ERC2: variants seen among roughly 807,000 people sequenced by gnomAD.
ERC2 encodes the protein ELKS/RAB6-interacting/CAST family member 2.
In ERC2, 42 loss-of-function variants were observed where a neutral mutation model predicts 114.8. The ratio of observed to expected loss-of-function variants is 0.37; its 90% CI spans 0.29 to 0.47. The LOEUF (loss-of-function observed/expected upper bound fraction) is 0.47, where lower values mean the gene tolerates loss of function less well. ERC2 is among the 20% of genes least tolerant of loss of function. ERC2 has a pLI of 0.99. For synonymous variants in ERC2, 454 were observed against 425.5 expected, an observed-to-expected ratio of 1.07 and a Z score of -0.82; for missense variants, 939 against 1,150.7, an observed-to-expected ratio of 0.82 and a Z score of 2.66.
intron 3 of ERC2, among the ~76,000 whole-genome samples, chr3:56,283,103 C>G (rs1284006927): frequency 6.6e-6 from 1 of 152,208 alleles, no homozygotes; most frequent in African/African-American, 2.4e-5. Flanking sequence ...TAAGGGGCAT[C>G]CCAACAATAC....
chr3:56,288,911 T>C (rs1206852574), intron 3 of ERC2, among the ~76,000 whole-genome samples: 1 of 152,230 alleles, frequency 6.6e-6, no homozygotes, highest in Non-Finnish European at 1.5e-5. Context: ...AGTGGTTAAA[T>C]ACTAGTAGGA....
At chr3:55,996,351 GT>G (rs1279305192) in intron 10 of ERC2, among the ~76,000 whole-genome samples, 7 of 152,094 alleles carry the variant, frequency 4.6e-5, no homozygotes, top group Non-Finnish European at 8.8e-5. Context: ...CAAGCTCATC[GT>G]CACTTTCAAG....
chr3:56,296,464 G>T, intron 2 of ERC2, 29 bp from the exon 3 acceptor site: 2 of 1,567,690 alleles, frequency 1.3e-6, no homozygotes, highest in South Asian at 1.2e-5. Context: ...AGCGGGAGAG[G>T]AGAAAGAAGG....
intron 3 of ERC2, among the ~76,000 whole-genome samples, chr3:56,280,438 T>A (rs2054271053): frequency 6.6e-6 from 1 of 152,176 alleles, no homozygotes; most frequent in Admixed American, 6.5e-5. Flanking sequence ...ATTGATGAGG[T>A]TCCCAGTGTC....
In ERC2 at chr3:56,369,701, G is replaced by A. The variant is rs189342524; in HGVS notation, c.657+64650C>T. 5.7e-4 allele frequency among the ~76,000 whole-genome samples: 85 copies of A among 149,536 alleles called. 1 individual carries two copies. The East Asian group carries it at 0.013, about 23-fold the overall frequency. On this transcript the variant is annotated intron_variant, in intron 2 of 17. Coordinates refer to ENST00000288221, the MANE Select transcript of ERC2 (RefSeq NM_015576.3). ...ACTACTTTTTTTTTTTTTTTGAGACGGAGTCTCGCTCTTTTGCCAGGCTGG... is the reference window on the plus strand; with the variant it reads ...ACTACTTTTTTTTTTTTTTTGAGACAGAGTCTCGCTCTTTTGCCAGGCTGG...
chr3:55,814,848 TA>T (rs1166842461), intron 14 of ERC2, among the ~76,000 whole-genome samples: 1 of 152,244 alleles, frequency 6.6e-6, no homozygotes, highest in Non-Finnish European at 1.5e-5. Flanking sequence ...CAAAGTCATC[TA>T]AAATAGGCAT....
chr3:55,819,114 C>T (rs2060016026), intron 14 of ERC2, among the ~76,000 whole-genome samples: 1 of 152,198 alleles, frequency 6.6e-6, no homozygotes, highest in African/African-American at 2.4e-5. Context: ...TTCAAATAAA[C>T]ATCTTTTGGT....
chr3:56,078,170 T>C (rs1195174909), intron 7 of ERC2, among the ~76,000 whole-genome samples: 1 of 152,184 alleles, frequency 6.6e-6, no homozygotes, highest in East Asian at 1.9e-4. Context: ...AATTTCTGTG[T>C]CAATTAGCTA....
intron 3 of ERC2, 135 bp from the exon 4 acceptor site, chr3:56,173,655 C>G (rs2082805012): frequency 2.9e-6 from 2 of 688,842 alleles, no homozygotes; most frequent in South Asian, 1.9e-5. Context: ...GGTGTCTCTT[C>G]CCCCACACTC....
chr3:56,310,182 C>A (rs1386289031), intron 2 of ERC2, among the ~76,000 whole-genome samples: 3 of 152,286 alleles, frequency 2.0e-5, no homozygotes, highest in Non-Finnish European at 4.4e-5. Flanking sequence ...ATCAACACTT[C>A]TCAACCTGAT....
At chr3:56,083,924 A>G (rs1307741776) in intron 6 of ERC2, among the ~76,000 whole-genome samples, 1 of 152,150 alleles carries the variant, frequency 6.6e-6, no homozygotes, top group Admixed American at 6.6e-5. Flanking sequence ...AAAATGGAAC[A>G]GGGGAAGTAA....
In ERC2 at chr3:55,721,393, T is replaced by C. The variant is rs367605452; in HGVS notation, c.2712+13378A>G. ...ATCTTCTCTACTCAACTGTAGGCTC[T>C]GCAAAAGCGAATCCTGCCAATTGCC... is the stretch of plus-strand genomic sequence containing the variant. On this transcript the variant is annotated intron_variant, in intron 15 of 17. Coordinates refer to ENST00000288221, the MANE Select transcript of ERC2 (RefSeq NM_015576.3). Among the ~76,000 whole-genome samples, 5 of 152,410 alleles carry C rather than the reference T, an allele frequency of 3.3e-5. No individual in the cohort carries two copies. In the East Asian group the frequency reaches 7.7e-4, roughly 23 times the overall value.
chr3:55,770,368 T>C (rs9840584), intron 14 of ERC2, among the ~76,000 whole-genome samples: 15,464 of 152,220 alleles, frequency 0.1, 1,636 homozygotes, highest in African/African-American at 0.26. Flanking sequence ...TAAAAATTTA[T>C]TTTTTTAGTC....
chr3:55,968,215 A>G (rs1293292061), intron 12 of ERC2, among the ~76,000 whole-genome samples: 1 of 152,140 alleles, frequency 6.6e-6, no homozygotes, highest in Non-Finnish European at 1.5e-5. Context: ...TAGAAGTGAA[A>G]TGACAAGGAA....
At chr3:56,276,069 C>T (rs2053969407) in intron 3 of ERC2, among the ~76,000 whole-genome samples, 2 of 152,134 alleles carry the variant, frequency 1.3e-5, no homozygotes, top group Non-Finnish European at 2.9e-5. Context: ...TTAAGAAATT[C>T]TCCATAAAGC....
At chr3:55,566,882 G>T (rs2056409815) in intron 17 of ERC2, among the ~76,000 whole-genome samples, 1 of 151,986 alleles carries the variant, frequency 6.6e-6, no homozygotes, top group East Asian at 1.9e-4. Context: ...TGTATTTTTA[G>T]TAGAGACAAG....
At chr3:56,047,437 A>G (rs1391773419) in intron 7 of ERC2, among the ~76,000 whole-genome samples, 1 of 152,258 alleles carries the variant, frequency 6.6e-6, no homozygotes, top group African/African-American at 2.4e-5. Flanking sequence ...GGCTGCTATA[A>G]GGCATCAAGG....
At chr3:56,138,897 A>G (rs1468421896) in intron 6 of ERC2, among the ~76,000 whole-genome samples, 28 of 152,232 alleles carry the variant, frequency 1.8e-4, no homozygotes, top group Admixed American at 1.8e-3. Flanking sequence ...CTAAGCATGA[A>G]TAAGAGATAA....
chr3:56,285,184 G>T (rs2054615430), intron 3 of ERC2, among the ~76,000 whole-genome samples: 1 of 149,944 alleles, frequency 6.7e-6, no homozygotes. Context: ...TCCTGATCTG[G>T]GCTGTCCTTC....
Sources: allele counts gnomAD v4.1 joint callset (sites outside exome capture counted in the v4.1 genomes callset), GRCh38; gene constraint gnomAD v4.1.1; transcripts MANE v1.5; gene names NCBI Gene and HGNC (gene_info 2026-07-23, HGNC 2026-07-21).